The following OPHN1 variants were observed in gnomAD, a reference collection of about 807,000 sequenced individuals.
OPHN1 encodes oligophrenin 1.
Under a neutral mutation model 60.7 loss-of-function variants are expected in OPHN1, and 11 were observed. The ratio of observed to expected loss-of-function variants is 0.18; its 90% CI spans 0.11 to 0.30. The LOEUF (loss-of-function observed/expected upper bound fraction) is 0.30. Ranked by LOEUF, OPHN1 falls within the 10% of genes least tolerant of loss-of-function variation. OPHN1 has a pLI of 1.00. For synonymous variants in OPHN1, 226 were observed against 222.6 expected, an observed-to-expected ratio of 1.02 and a Z score of -0.14; for missense variants, 449 against 611.0, an observed-to-expected ratio of 0.73 and a Z score of 2.80.
At chrX:68,050,142 T>G (rs1461065046) in intron 23 of OPHN1, among the ~76,000 whole-genome samples, 2 of 111,642 alleles carry the variant, frequency 1.8e-5, no homozygotes, top group African/African-American at 6.5e-5. Flanking sequence ...GAGGCCAACC[T>G]GTGGAAGCAC....
chrX:68,262,164 T>C (rs1397066217), intron 5 of OPHN1, among the ~76,000 whole-genome samples: 2 of 112,045 alleles, frequency 1.8e-5, no homozygotes, highest in Admixed American at 9.5e-5. Context: ...TGATCTCCTG[T>C]ATTCTCAGCA....
chrX:68,426,468 C>A (rs1277861483), intron 2 of OPHN1, among the ~76,000 whole-genome samples: 2 of 97,154 alleles, frequency 2.1e-5, no homozygotes, highest in African/African-American at 3.5e-5. Flanking sequence ...CATGAGTTTT[C>A]ATTAGTCCAA....
chrX:68,362,728 C>T (rs1339012847), intron 2 of OPHN1, among the ~76,000 whole-genome samples: 1 of 110,966 alleles, frequency 9.0e-6, no homozygotes, highest in African/African-American at 3.3e-5. Flanking sequence ...ATACATGTCA[C>T]TACGCATTTG....
At chrX:68,273,703 C>T (rs1389788476) in intron 5 of OPHN1, among the ~76,000 whole-genome samples, 2 of 111,970 alleles carry the variant, frequency 1.8e-5, no homozygotes, top group African/African-American at 6.5e-5. Context: ...AAGATCTAGA[C>T]AGCATAGCTT....
chrX:68,244,373 CA>C (rs1157848596), intron 5 of OPHN1, among the ~76,000 whole-genome samples: 1 of 112,175 alleles, frequency 8.9e-6, no homozygotes, highest in African/African-American at 3.2e-5. Flanking sequence ...GCATTTGTTG[CA>C]ATCTGAAATT....
intron 5 of OPHN1, among the ~76,000 whole-genome samples, chrX:68,270,727 T>G (rs1382061911): frequency 9.2e-6 from 1 of 108,923 alleles, no homozygotes; most frequent in Non-Finnish European, 1.9e-5. Flanking sequence ...ACCCTAGAAC[T>G]TAAATTATAA....
In OPHN1 at chrX:68,339,892, T is replaced by C. The variant is rs553965753; in HGVS notation, c.155-40796A>G. 3.6e-5 allele frequency among the ~76,000 whole-genome samples: 4 copies of C among 112,245 alleles called. No individual in the cohort carries two copies. The South Asian group carries it at 1.1e-3, about 31-fold the overall frequency. On this transcript the variant is annotated intron_variant, in intron 2 of 24. Transcript: ENST00000355520. ...TACTGGAATTATAGGCATGAGCCAC[T>C]GCACCGGGCCACAAATTGTATTTCT...
chrX:68,066,834 T>C (rs1163428231), intron 20 of OPHN1, among the ~76,000 whole-genome samples: 1 of 112,356 alleles, frequency 8.9e-6, no homozygotes, highest in African/African-American at 3.2e-5. Context: ...GTCTACTTAC[T>C]CTTTCTGAAG....
chrX:68,076,439 G>A (rs1435078253), intron 19 of OPHN1, among the ~76,000 whole-genome samples: 1 of 108,546 alleles, frequency 9.2e-6, no homozygotes, highest in East Asian at 2.9e-4. Context: ...CATCTGAATA[G>A]TCCTATAACC....
chrX:68,089,303 G>T (rs937823475), intron 19 of OPHN1, among the ~76,000 whole-genome samples: 6 of 111,486 alleles, frequency 5.4e-5, no homozygotes, highest in Admixed American at 4.8e-4. Context: ...TGGCCATTGA[G>T]GGGAATGGAC....
chrX:68,060,309 G>A (rs1384086667), intron 21 of OPHN1, among the ~76,000 whole-genome samples: 2 of 111,480 alleles, frequency 1.8e-5, no homozygotes, highest in African/African-American at 6.5e-5. Context: ...TCCCAATCTT[G>A]AACCCAAGAA....
chrX:68,219,425 C>T lies in OPHN1; in HGVS notation c.487-5453G>A, dbSNP rs1266368648. 5.5e-3 allele frequency among the ~76,000 whole-genome samples: 576 copies of T among 103,825 alleles called. 5 individuals carry two copies. Among genetic ancestry groups the T allele is most frequent in the Non-Finnish European group, 7.1e-3 (362 of 50,729 alleles). The allele number at this position is 103,825 out of a possible 115,157, so 90.2% of individuals were successfully genotyped here. On this transcript the variant is annotated intron_variant, in intron 6 of 24. Transcript: ENST00000355520. ...GAATTGAACTCAGCTCTGTACCAAG[C>T]GGACCTAATAGACATCTACAGAACT...
chrX:68,317,536 AAAAAAAGAAAGAAAGAAAG>A (rs1569278361), intron 2 of OPHN1, among the ~76,000 whole-genome samples: 7,771 of 72,093 alleles, frequency 0.11, 509 homozygotes, highest in South Asian at 0.2. Context: ...AGAAAGAAAG[AAAAAAAGAAAGAAAGAAAG>A]AAAGAAAGAA....
intron 5 of OPHN1, among the ~76,000 whole-genome samples, chrX:68,249,271 C>T (rs2077821866): frequency 1.8e-5 from 2 of 111,891 alleles, no homozygotes; most frequent in Admixed American, 1.9e-4. Context: ...ATGGAGATTG[C>T]TGTGTTTTAT....
At chrX:68,317,517 G>GAGAA (rs201700905) in intron 2 of OPHN1, among the ~76,000 whole-genome samples, 1 of 47,847 alleles carries the variant, frequency 2.1e-5, no homozygotes, top group Non-Finnish European at 3.2e-5. Context: ...GAAAGAGAGA[G>GAGAA]AGAAAGAAAG....
chrX:68,404,223 G>A (rs1049464855), intron 2 of OPHN1, among the ~76,000 whole-genome samples: 6 of 107,516 alleles, frequency 5.6e-5, no homozygotes, highest in African/African-American at 2.0e-4. Context: ...GCAGTGGCAT[G>A]ATCTCGGTTC....
At chrX:68,308,880 A>G (rs996143791) in intron 2 of OPHN1, among the ~76,000 whole-genome samples, 1 of 109,667 alleles carries the variant, frequency 9.1e-6, no homozygotes, top group African/African-American at 3.3e-5. Context: ...CCTGGGCTCA[A>G]GTGATCCTCC....
At chrX:68,375,645 G>T (rs1311387421) in intron 2 of OPHN1, among the ~76,000 whole-genome samples, 1 of 110,828 alleles carries the variant, frequency 9.0e-6, no homozygotes, top group Non-Finnish European at 1.9e-5. Context: ...TGAACTCCTG[G>T]GTTCAAGTGA....
At chrX:68,048,703 T>C (rs1423173107) in intron 23 of OPHN1, among the ~76,000 whole-genome samples, 1 of 112,165 alleles carries the variant, frequency 8.9e-6, no homozygotes, top group Non-Finnish European at 1.9e-5. Context: ...TACCAGACTA[T>C]GTGAAGCTTG....
Sources: gnomAD v4.1 joint callset for allele counts (sites outside exome capture counted in the v4.1 genomes callset) on GRCh38, gnomAD v4.1.1 for gene constraint, MANE v1.5 for transcripts, NCBI Gene and HGNC (gene_info 2026-07-23, HGNC 2026-07-21) for gene names.